CHD5: variants seen among roughly 807,000 people sequenced by gnomAD.
CHD5 encodes chromodomain helicase DNA binding protein 5.
Under a neutral mutation model 230.3 loss-of-function variants are expected in CHD5, and 69 were observed. The observed-to-expected ratio is 0.30, with a 90% CI of 0.25 to 0.37. CHD5 has a LOEUF of 0.37. Ranked by LOEUF, CHD5 falls within the 10% of genes least tolerant of loss-of-function variation. CHD5 has a pLI of 1.00. For missense variants in CHD5, 1,827 were observed against 2,622.8 expected (o/e 0.70, Z 6.63); for synonymous variants, 1,064 against 1,065.9 (o/e 1.00, Z 0.03).
intron 1 of CHD5, among the ~76,000 whole-genome samples, chr1:6,168,789 C>T (rs770636161): frequency 2.2e-4 from 34 of 152,142 alleles, no homozygotes; most frequent in Non-Finnish European, 4.0e-4. Context: ...GAGGCTGAGG[C>T]GAGCAGATAA....
rs935434447 is a variant in CHD5 at position 6,169,033 on chromosome 1, A to AAG, written c.80-758_80-757dup. ...GACTCCATCAAAAAAAAAAAAAAAA[A>AAG]AGAGAGAGAGAGAATTGTGGAGCAC... On this transcript the variant is annotated intron_variant, in intron 1 of 41. Transcript: ENST00000262450. 6.0e-3 allele frequency among the ~76,000 whole-genome samples: 862 copies of AAG among 143,686 alleles called. 18 individuals are homozygous for AAG. The highest frequency in any genetic ancestry group is 0.016 in the African/African-American group (565 of 36,096). The allele number at this position is 143,686 out of a possible 152,430, so 94.3% of individuals were successfully genotyped here.
chr1:6,150,919 C>G (rs540442903), intron 7 of CHD5, 113 bp downstream of exon 7: 1 of 1,302,184 alleles, frequency 7.7e-7, no homozygotes, highest in East Asian at 2.7e-5. Context: ...CGGGGAGGTT[C>G]CATGCCCCGC....
At chr1:6,124,157 G>T in intron 30 of CHD5, 50 bp from the exon 31 acceptor site, 1 of 1,551,100 alleles carries the variant, frequency 6.4e-7, no homozygotes, top group African/African-American at 1.4e-5. Flanking sequence ...GGCAGTGGTG[G>T]CAACTCAGCC....
intron 9 of CHD5, among the ~76,000 whole-genome samples, 185 bp downstream of exon 9, chr1:6,148,669 C>G (rs577211089): frequency 6.6e-6 from 1 of 152,132 alleles, no homozygotes; most frequent in South Asian, 2.1e-4. Context: ...CGGAGAAGGG[C>G]GCGAGGAAGC....
At chr1:6,168,963 G>A (rs1667294977) in intron 1 of CHD5, among the ~76,000 whole-genome samples, 1 of 151,316 alleles carries the variant, frequency 6.6e-6, no homozygotes, top group Non-Finnish European at 1.5e-5. Flanking sequence ...AGGTTGCAGT[G>A]AGCTGGGATC....
At chr1:6,158,401 C>T (rs1219192367) in intron 3 of CHD5, among the ~76,000 whole-genome samples, 1 of 152,250 alleles carries the variant, frequency 6.6e-6, no homozygotes, top group Non-Finnish European at 1.5e-5. Context: ...TCCAGCACTT[C>T]TTGTGGCAAA....
intron 1 of CHD5, among the ~76,000 whole-genome samples, chr1:6,178,759 C>T (rs1667463446): frequency 6.6e-6 from 1 of 152,130 alleles, no homozygotes; most frequent in African/African-American, 2.4e-5. Context: ...AGCAAGCAAA[C>T]AGAAGGGGGC....
chr1:6,147,598 G>A (rs1009472215), intron 9 of CHD5, among the ~76,000 whole-genome samples: 7 of 152,224 alleles, frequency 4.6e-5, no homozygotes, highest in African/African-American at 1.7e-4. Flanking sequence ...ACTGGACAGG[G>A]TCGGGGGTGA....
chr1:6,156,790 G>A (rs1018150227), intron 3 of CHD5, among the ~76,000 whole-genome samples: 1 of 152,086 alleles, frequency 6.6e-6, no homozygotes, highest in Non-Finnish European at 1.5e-5. Context: ...GCCTGGGGTG[G>A]GGGGACATCC....
rs1666917069 is a variant in CHD5 at position 6,146,684 on chromosome 1, G to T, written c.1571C>A (p.Ser524Tyr). ...ACTCACCTGTAGCTCCTTCACCCAG[G>T]AGCAATGCCAGTAGGACAGCCCTGC... ...KWAGLSYWHC[S>Y]WVKELQLELY... Residue 524 changes from serine (S) to tyrosine (Y), a missense_variant, in exon 10 of 42, where the codon TCC (serine) becomes TAC (tyrosine). Ser to Tyr is a moderately radical substitution (Grantham distance 144). Coordinates refer to ENST00000262450, the MANE Select transcript of CHD5 (RefSeq NM_015557.3). This position sits in a 1 kb window ranked among gnomAD's most constrained non-coding sequence, Gnocchi z 5.1. 4 of 1,613,780 alleles carry T rather than the reference G, an allele frequency of 2.5e-6. No individual in the cohort carries two copies. Among genetic ancestry groups the T allele is most frequent in the Non-Finnish European group, 3.4e-6 (4 of 1,179,998 alleles).
intron 2 of CHD5, among the ~76,000 whole-genome samples, chr1:6,162,441 C>A (rs731975): frequency 0.77 from 116,251 of 151,896 alleles, 45,015 homozygotes; most frequent in Middle Eastern, 0.84. Flanking sequence ...CATCTGTGAC[C>A]CGGGAGAAAC....
intron 2 of CHD5, among the ~76,000 whole-genome samples, chr1:6,165,968 G>A (rs1479572103): frequency 1.3e-5 from 2 of 151,990 alleles, no homozygotes; most frequent in Non-Finnish European, 2.9e-5. Flanking sequence ...GATGGGCCAG[G>A]CAGGAGCCTC....
rs1249906864 is a variant in CHD5 at position 6,134,644 on chromosome 1, G to C, written c.3012+74C>G. On this transcript the variant is annotated intron_variant, in intron 19 of 41. Coordinates refer to ENST00000262450, the MANE Select transcript of CHD5 (RefSeq NM_015557.3). This position sits in a 1 kb window ranked among gnomAD's most constrained non-coding sequence, Gnocchi z 6.3. ...GAGAACCTATCACAGCGGCCACAGG[G>C]ACCTACCATGGCGGCCACAGGCACC... 2 of 1,466,858 alleles carry C rather than the reference G, an allele frequency of 1.4e-6. No individual in the cohort carries two copies. Among genetic ancestry groups the C allele is most frequent in the Non-Finnish European group, 1.9e-6 (2 of 1,048,184 alleles). 90.9% of individuals were successfully genotyped at this position (1,466,858 alleles called of 1,614,324 possible).
Position 6,101,899 on chromosome 1 carries a change from G to A in CHD5, c.*3575C>T, listed in dbSNP as rs12758341. The stretch of plus-strand genomic sequence containing the variant: ...AGCCTCTGTCCAGCCTCCCGTGGGC[G>A]AAGACCAGACAAGCCACGGCTCACA... On this transcript the variant is annotated 3_prime_UTR_variant, in exon 42 of 42. Transcript: ENST00000262450. 0.11 allele frequency: 33,668 copies of A among 319,548 alleles called. 2,293 individuals carry two copies. The highest frequency in any genetic ancestry group is 0.36 in the East Asian group (2,313 of 6,502). 19.8% of individuals were successfully genotyped at this position (319,548 alleles called of 1,614,324 possible). A position where few individuals can be genotyped will look rare whatever the true frequency, so the allele number is the denominator to read the frequency against.
chr1:6,179,665 G>C (rs988351022), intron 1 of CHD5, among the ~76,000 whole-genome samples: 1 of 149,082 alleles, frequency 6.7e-6, no homozygotes, highest in Non-Finnish European at 1.5e-5. Flanking sequence ...CGCAGGCCCC[G>C]GCCCGCGGTC....
chr1:6,133,500 A>G (rs1050783087), intron 20 of CHD5, among the ~76,000 whole-genome samples: 6 of 152,210 alleles, frequency 3.9e-5, no homozygotes, highest in African/African-American at 1.4e-4. Flanking sequence ...CCACGAGAGG[A>G]GCATTTTTAG....
rs1571164462 is a variant in CHD5 at position 6,155,253 on chromosome 1, C to T, written c.506+346G>A. 6.6e-6 allele frequency among the ~76,000 whole-genome samples: 1 copy of T among 152,318 alleles called. No individual in the cohort carries two copies. The highest frequency in any genetic ancestry group is 1.9e-4 in the East Asian group (1 of 5,174). On this transcript the variant is annotated intron_variant, in intron 4 of 41. Transcript: ENST00000262450. The surrounding 1 kb of genome is among the most constrained non-coding windows in gnomAD (Gnocchi z 4.0). ...CATTGGGTTTTCAGGCCCTGCAAGA[C>T]TTGTGGGGCCACAGGTGGGCTACAG...
rs1210852161 is a variant in CHD5, at chr1:6,129,414, G to A, written c.3388-345C>T. ...CTTCGTGGGGGCCACGGGGAGGTAG[G>A]AGGCTGCATTTCCCTGTGAGCGAAC... On this transcript the variant is annotated intron_variant, in intron 22 of 41. Transcript: ENST00000262450. This position sits in a 1 kb window ranked among gnomAD's most constrained non-coding sequence, Gnocchi z 6.8. 6.6e-6 allele frequency among the ~76,000 whole-genome samples: 1 copy of A among 152,154 alleles called. No homozygotes were observed. The highest frequency in any genetic ancestry group is 1.5e-5 in the Non-Finnish European group (1 of 68,020).
Position 6,130,358 on chromosome 1 carries a change from G to A in CHD5, c.3263-30C>T. The A allele has an allele frequency of 6.2e-7, 1 of 1,609,172 alleles. No homozygotes were observed. The highest frequency in any genetic ancestry group is 2.2e-5 in the East Asian group (1 of 44,770). On this transcript the variant is annotated intron_variant, in intron 21 of 41. Transcript: ENST00000262450. The surrounding 1 kb of genome is among the most constrained non-coding windows in gnomAD (Gnocchi z 4.9). ...AAAAGAGAGGCCAGCAGATGGGAGT[G>A]TTTGGGGGGGTACACCTTGGGTGGG...
Sources: gnomAD v4.1 joint callset for allele counts (sites outside exome capture counted in the v4.1 genomes callset) on GRCh38, gnomAD v4.1.1 for gene constraint, Gnocchi (gnomAD v3.1) non-coding constraint, MANE v1.5 for transcripts, NCBI Gene and HGNC (gene_info 2026-07-23, HGNC 2026-07-21) for gene names.